PKNOX2: variants seen among roughly 807,000 people sequenced by gnomAD.
PKNOX2 encodes PBX/knotted 1 homeobox 2.
In PKNOX2, 14 loss-of-function variants were observed where a neutral mutation model predicts 53.1. That is an observed-to-expected ratio of 0.26 (90% confidence interval 0.17 to 0.41). The LOEUF (loss-of-function observed/expected upper bound fraction) is 0.41. Among genes scored for constraint, PKNOX2 ranks in the 10% least tolerant of loss-of-function variants. The pLI, the probability that PKNOX2 is intolerant of heterozygous loss-of-function variation, is 1.00. For missense variants in PKNOX2, 496 were observed against 602.8 expected, an observed-to-expected ratio of 0.82 and a Z score of 1.85; for synonymous variants, 257 against 242.8, an observed-to-expected ratio of 1.06 and a Z score of -0.54.
At chr11:125,314,423 G>T (rs151076161) in intron 2 of PKNOX2, among the ~76,000 whole-genome samples, 26 of 152,300 alleles carry the variant, frequency 1.7e-4, no homozygotes, top group Non-Finnish European at 3.7e-4. Context: ...GCATCTTAAT[G>T]GTGGGGAAGA....
intron 1 of PKNOX2, among the ~76,000 whole-genome samples, chr11:125,232,518 C>T (rs936115937): frequency 3.3e-5 from 5 of 152,214 alleles, no homozygotes; most frequent in South Asian, 2.1e-4. Flanking sequence ...AAGCCAGAAT[C>T]GAAACCTATC....
chr11:125,275,296 G>C (rs935976797), intron 2 of PKNOX2, among the ~76,000 whole-genome samples: 4 of 152,156 alleles, frequency 2.6e-5, no homozygotes, highest in African/African-American at 7.2e-5. Context: ...AGCATCTCAA[G>C]CAGAAGGAAA....
chr11:125,371,697 C>T (rs1952559365), intron 5 of PKNOX2, among the ~76,000 whole-genome samples: 1 of 152,248 alleles, frequency 6.6e-6, no homozygotes, highest in East Asian at 1.9e-4. Context: ...AAGGTGTTGG[C>T]TCACTTCCCT....
In PKNOX2 at chr11:125,187,204, C is replaced by A. The variant is rs150717092; in HGVS notation, c.-201+22428C>A. ...TATTTTGGCTATTCAGGGCCCCTTG[C>A]AATTCCATTTGAAGTTGAGATTAAC... On this transcript the variant is annotated intron_variant, in intron 1 of 12. Coordinates refer to ENST00000298282, the MANE Select transcript of PKNOX2 (RefSeq NM_001382323.2). Among the ~76,000 whole-genome samples, 365 of 151,898 alleles carry A rather than the reference C, an allele frequency of 2.4e-3. 4 individuals carry two copies. The highest frequency in any genetic ancestry group is 7.5e-3 in the African/African-American group (312 of 41,436).
chr11:125,331,364 AC>A (rs1463429655), intron 2 of PKNOX2, among the ~76,000 whole-genome samples: 1 of 148,102 alleles, frequency 6.8e-6, no homozygotes, highest in Admixed American at 6.7e-5. Flanking sequence ...GTCTCTCCAG[AC>A]CCCAGTCGAA....
In PKNOX2 at chr11:125,166,873, G is replaced by A. The variant is rs919643739; in HGVS notation, c.-201+2097G>A. Among the ~76,000 whole-genome samples the A allele has an allele frequency of 9.2e-5, 14 of 152,130 alleles. No individual in the cohort carries two copies. Among genetic ancestry groups the A allele is most frequent in the Non-Finnish European group, 2.1e-4 (14 of 68,024 alleles). On this transcript the variant is annotated intron_variant, in intron 1 of 12. Coordinates refer to ENST00000298282, the MANE Select transcript of PKNOX2 (RefSeq NM_001382323.2). This position sits in a 1 kb window ranked among gnomAD's most constrained non-coding sequence, Gnocchi z 4.0. ...TCGGGTTTCAAATGCTCTATAACCG[G>A]TGGCAGCCAAAAGCTTCGCATTTTA...
chr11:125,251,785 A>AATAT (rs61255158), intron 2 of PKNOX2, among the ~76,000 whole-genome samples: 2,728 of 146,178 alleles, frequency 0.019, 34 homozygotes, highest in Non-Finnish European at 0.028. Context: ...ATATTATATA[A>AATAT]ATATATATAT....
intron 10 of PKNOX2, among the ~76,000 whole-genome samples, chr11:125,416,167 G>A (rs1329149967): frequency 6.6e-6 from 1 of 151,446 alleles, no homozygotes; most frequent in Admixed American, 6.6e-5. Context: ...GCCGGGCGTG[G>A]TGGCGGGCGC....
chr11:125,254,652 C>T (rs1373538617), intron 2 of PKNOX2, among the ~76,000 whole-genome samples: 2 of 152,236 alleles, frequency 1.3e-5, no homozygotes, highest in Non-Finnish European at 2.9e-5. Flanking sequence ...CATTGTGACA[C>T]TACCTGTCAT....
chr11:125,184,423 A>C (rs1170734875), intron 1 of PKNOX2: 1 of 152,272 alleles, frequency 6.6e-6, no homozygotes, highest in Non-Finnish European at 1.5e-5. Context: ...ATCTGCATCC[A>C]AACTTTTTCC....
At chr11:125,220,319 A>T (rs1753510339) in intron 1 of PKNOX2, among the ~76,000 whole-genome samples, 1 of 152,200 alleles carries the variant, frequency 6.6e-6, no homozygotes, top group South Asian at 2.1e-4. Flanking sequence ...AAACACAAAC[A>T]CTGTGCAAAT....
chr11:125,314,535 C>A (rs1949035985), intron 2 of PKNOX2, among the ~76,000 whole-genome samples: 1 of 152,118 alleles, frequency 6.6e-6, no homozygotes, highest in South Asian at 2.1e-4. Context: ...TGTCAGGGGC[C>A]AAATGGGCAG....
intron 1 of PKNOX2, among the ~76,000 whole-genome samples, chr11:125,214,389 G>A (rs936135828): frequency 7.2e-5 from 11 of 152,062 alleles, no homozygotes; most frequent in Admixed American, 2.6e-4. Flanking sequence ...TGCCCTACTC[G>A]GGAGGGGGTT....
intron 2 of PKNOX2, among the ~76,000 whole-genome samples, chr11:125,323,948 C>A (rs1289341233): frequency 1.3e-5 from 2 of 152,006 alleles, no homozygotes; most frequent in Non-Finnish European, 2.9e-5. Context: ...TCATTTCCTG[C>A]ATAAATTACT....
At chr11:125,291,349 G>C (rs1947292429) in intron 2 of PKNOX2, among the ~76,000 whole-genome samples, 1 of 152,060 alleles carries the variant, frequency 6.6e-6, no homozygotes, top group African/African-American at 2.4e-5. Flanking sequence ...TCCTCAGCTT[G>C]GACTCATCCC....
At chr11:125,249,152 G>T (rs1032962779) in intron 2 of PKNOX2, among the ~76,000 whole-genome samples, 4 of 146,548 alleles carry the variant, frequency 2.7e-5, no homozygotes, top group African/African-American at 1.0e-4. Context: ...GTAAACATCT[G>T]GGGATCCTAT....
At chr11:125,171,457 C>T (rs766073779) in intron 1 of PKNOX2, among the ~76,000 whole-genome samples, 9 of 152,198 alleles carry the variant, frequency 5.9e-5, no homozygotes, top group Admixed American at 1.3e-4. Flanking sequence ...CTGCTCTTTA[C>T]CTGTCATATG....
chr11:125,429,942 C>T (rs375258054), intron 11 of PKNOX2, 21 bp from the exon 12 acceptor site: 187 of 1,610,484 alleles, frequency 1.2e-4, no homozygotes, highest in Non-Finnish European at 1.4e-4. Flanking sequence ...CTAACCAGGT[C>T]TCCACTTTAC....
intron 9 of PKNOX2, 106 bp from the exon 10 acceptor site, chr11:125,411,640 C>T: frequency 6.3e-7 from 1 of 1,583,426 alleles, no homozygotes; most frequent in Non-Finnish European, 8.6e-7. Flanking sequence ...TAGGAATGAG[C>T]CGGGAAAGGG....
Sources: gnomAD v4.1 joint callset for allele counts (sites outside exome capture counted in the v4.1 genomes callset) on GRCh38, gnomAD v4.1.1 for gene constraint, Gnocchi (gnomAD v3.1) non-coding constraint, MANE v1.5 for transcripts, NCBI Gene and HGNC (gene_info 2026-07-23, HGNC 2026-07-21) for gene names.